CERS6: variants seen among roughly 807,000 people sequenced by gnomAD.
CERS6 encodes the protein ceramide synthase 6, also known as LAG1 homolog, ceramide synthase 6.
Under a neutral mutation model 56.8 loss-of-function variants are expected in CERS6, and 26 were observed. The observed-to-expected ratio is 0.46, with a 90% CI of 0.34 to 0.63. CERS6 has a LOEUF of 0.63. CERS6 is among the 30% of genes least tolerant of loss of function. The pLI, the probability that CERS6 is intolerant of heterozygous loss-of-function variation, is 0.01. For synonymous variants in CERS6, 164 were observed against 173.3 expected (o/e 0.95, Z 0.42); for missense variants, 415 against 467.5 (o/e 0.89, Z 1.04).
intron 1 of CERS6, among the ~76,000 whole-genome samples, chr2:168,475,130 T>C (rs1694045473): frequency 6.6e-6 from 1 of 152,146 alleles, no homozygotes; most frequent in South Asian, 2.1e-4. Context: ...ATCGTGCTTG[T>C]CTACTTGGGA....
At chr2:168,546,786 C>G (rs1695473835) in intron 1 of CERS6, among the ~76,000 whole-genome samples, 1 of 152,152 alleles carries the variant, frequency 6.6e-6, no homozygotes, top group Non-Finnish European at 1.5e-5. Context: ...AGCATTTAGT[C>G]TAAAACAACT....
intron 3 of CERS6, among the ~76,000 whole-genome samples, chr2:168,603,581 G>A (rs966144664): frequency 6.6e-6 from 1 of 152,170 alleles, no homozygotes; most frequent in Non-Finnish European, 1.5e-5. Flanking sequence ...TTGTGCATTG[G>A]CTGTAGCCTT....
intron 4 of CERS6, among the ~76,000 whole-genome samples, chr2:168,631,466 TAA>T: frequency 8.3e-6 from 1 of 121,212 alleles, no homozygotes; most frequent in Non-Finnish European, 1.6e-5. Context: ...TATAAAAATA[TAA>T]TATATAATAT....
At chr2:168,719,923 A>C (rs1458605910) in intron 8 of CERS6, among the ~76,000 whole-genome samples, 1 of 151,996 alleles carries the variant, frequency 6.6e-6, no homozygotes, top group Admixed American at 6.6e-5. Context: ...TATTTAACTC[A>C]GTATATTCAA....
intron 1 of CERS6, among the ~76,000 whole-genome samples, chr2:168,547,034 C>T (rs995513437): frequency 3.3e-5 from 5 of 152,208 alleles, no homozygotes; most frequent in Non-Finnish European, 2.9e-5. Flanking sequence ...CCTTCGACAT[C>T]CTTCATTACT....
At chr2:168,545,409 A>T (rs1206611002) in intron 1 of CERS6, among the ~76,000 whole-genome samples, 1 of 152,196 alleles carries the variant, frequency 6.6e-6, no homozygotes, top group African/African-American at 2.4e-5. Flanking sequence ...TCATTCTTGG[A>T]ATTTAAAGAA....
chr2:168,556,991 CAAAAAAAAAAA>C (rs71003046), intron 2 of CERS6, among the ~76,000 whole-genome samples: 5 of 82,306 alleles, frequency 6.1e-5, no homozygotes, highest in South Asian at 5.1e-4. Flanking sequence ...CTTGTCTCTA[CAAAAAAAAAAA>C]AAAAAAAAAA....
chr2:168,533,717 C>T lies in CERS6; in HGVS notation c.171-13879C>T, dbSNP rs148908764. Among the ~76,000 whole-genome samples the T allele has an allele frequency of 8.9e-4, 135 of 152,190 alleles. 1 individual carries two copies. Among genetic ancestry groups the T allele is most frequent in the South Asian group, 6.2e-3 (30 of 4,818 alleles). On this transcript the variant is annotated intron_variant, in intron 1 of 9. Coordinates refer to ENST00000305747, the MANE Select transcript of CERS6 (RefSeq NM_203463.3). ...CAGGGTTGATCTTCTCGTGGAGTAT[C>T]TTAGTGGTGTTCTCTGTATTTCCTG...
At chr2:168,658,740 C>T (rs1420477481) in intron 4 of CERS6, among the ~76,000 whole-genome samples, 1 of 152,146 alleles carries the variant, frequency 6.6e-6, no homozygotes, top group African/African-American at 2.4e-5. Context: ...GAAACTGAGG[C>T]AGAAAAAAAG....
chr2:168,562,204 G>A (rs542108138), intron 3 of CERS6, among the ~76,000 whole-genome samples: 6 of 152,308 alleles, frequency 3.9e-5, no homozygotes, highest in Non-Finnish European at 7.4e-5. Flanking sequence ...GGTTGGAGCT[G>A]CATTTTCAGC....
intron 8 of CERS6, among the ~76,000 whole-genome samples, chr2:168,742,417 A>G (rs1281148570): frequency 6.6e-6 from 1 of 152,178 alleles, no homozygotes; most frequent in East Asian, 1.9e-4. Context: ...GTCAATTGGT[A>G]TGGCCACGAG....
At chr2:168,483,660 C>G (rs1300866010) in intron 1 of CERS6, among the ~76,000 whole-genome samples, 1 of 152,308 alleles carries the variant, frequency 6.6e-6, no homozygotes, top group East Asian at 1.9e-4. Flanking sequence ...TGGAGCCAGA[C>G]TTCACCAAAA....
At chr2:168,633,625 G>A (rs567116863) in intron 4 of CERS6, among the ~76,000 whole-genome samples, 1 of 152,036 alleles carries the variant, frequency 6.6e-6, no homozygotes, top group African/African-American at 2.4e-5. Context: ...TTGCTTATTT[G>A]TAGAACTTTA....
At chr2:168,672,446 T>G (rs10490711) in intron 4 of CERS6, among the ~76,000 whole-genome samples, 59,278 of 152,040 alleles carry the variant, frequency 0.39, 13,282 homozygotes, top group Non-Finnish European at 0.51. Context: ...AGTCAGAAGT[T>G]TATTAGGTGT....
intron 1 of CERS6, among the ~76,000 whole-genome samples, chr2:168,479,853 C>T (rs1226267341): frequency 9.2e-5 from 14 of 152,182 alleles, no homozygotes; most frequent in Admixed American, 9.2e-4. Context: ...GGTGATCTGC[C>T]CGCCTCGGTC....
At chr2:168,592,835 C>T (rs746027325) in intron 3 of CERS6, among the ~76,000 whole-genome samples, 1 of 152,180 alleles carries the variant, frequency 6.6e-6, no homozygotes, top group Non-Finnish European at 1.5e-5. Flanking sequence ...TTAGTTCCTA[C>T]TGCTGTAACA....
At chr2:168,500,862 T>G (rs746265632) in intron 1 of CERS6, among the ~76,000 whole-genome samples, 1 of 152,180 alleles carries the variant, frequency 6.6e-6, no homozygotes, top group Non-Finnish European at 1.5e-5. Flanking sequence ...TATAAGTATT[T>G]TAACTAACTG....
At chr2:168,474,542 A>G (rs908552589) in intron 1 of CERS6, among the ~76,000 whole-genome samples, 3 of 152,234 alleles carry the variant, frequency 2.0e-5, no homozygotes, top group East Asian at 1.9e-4. Flanking sequence ...AACTTAATCT[A>G]TAAAGAAAAC....
chr2:168,738,795 T>C (rs1313462838), intron 8 of CERS6, among the ~76,000 whole-genome samples: 1 of 152,192 alleles, frequency 6.6e-6, no homozygotes, highest in Non-Finnish European at 1.5e-5. Context: ...AATCCAGTTC[T>C]AACATTGGGC....
Sources: gnomAD v4.1 joint callset for allele counts (sites outside exome capture counted in the v4.1 genomes callset) on GRCh38, gnomAD v4.1.1 for gene constraint, MANE v1.5 for transcripts, NCBI Gene and HGNC (gene_info 2026-07-23, HGNC 2026-07-21) for gene names.